PCYT1A: variants seen among roughly 807,000 people sequenced by gnomAD.
The protein encoded by PCYT1A is choline-phosphate cytidylyltransferase A.
PCYT1A carries 25 observed loss-of-function variants against 43.7 expected under a neutral mutation model. That is an observed-to-expected ratio of 0.57 (90% CI 0.42 to 0.80). PCYT1A has a LOEUF of 0.80. Ranked by LOEUF, PCYT1A falls within the 30% of genes least tolerant of loss-of-function variation. The probability of loss-of-function intolerance (pLI) is 0.00; values close to 1 mark genes in which losing one functional copy is unlikely to be tolerated. For missense variants in PCYT1A, 421 were observed against 474.2 expected, an observed-to-expected ratio of 0.89 and a Z score of 1.04; for synonymous variants, 172 against 170.7, an observed-to-expected ratio of 1.01 and a Z score of -0.06.
Position 196,242,843 on chromosome 3 carries a change from AG to A in PCYT1A, c.487-204del, listed in dbSNP as rs1724398948. 1 of 594,440 alleles carries A rather than the reference AG, an allele frequency of 1.7e-6. No homozygotes were observed. Among genetic ancestry groups the A allele is most frequent in the Non-Finnish European group, 3.0e-6 (1 of 328,092 alleles). 36.8% of individuals were successfully genotyped at this position (594,440 alleles called of 1,614,324 possible). On this transcript the variant is annotated intron_variant, in intron 5 of 8. Transcript: ENST00000431016. This position sits in a 1 kb window ranked among gnomAD's most constrained non-coding sequence, Gnocchi z 4.2. Reference sequence around the variant, plus strand: ...ATTTATGGAGTATACATATGAAGTTAGCCAGCTGCTTTTGTAGCTATTTCTC... The same window carrying A: ...ATTTATGGAGTATACATATGAAGTTACCAGCTGCTTTTGTAGCTATTTCTC...
At chr3:196,272,481 G>C (rs1287467169) in intron 1 of PCYT1A, among the ~76,000 whole-genome samples, 1 of 152,090 alleles carries the variant, frequency 6.6e-6, no homozygotes, top group Non-Finnish European at 1.5e-5. Context: ...ATGGCGCCTA[G>C]CCAATTTTTG....
intron 3 of PCYT1A, among the ~76,000 whole-genome samples, chr3:196,253,060 G>A (rs112186985): frequency 0.16 from 24,193 of 151,936 alleles, 2,074 homozygotes; most frequent in Middle Eastern, 0.25. Flanking sequence ...TTTTTGGGCC[G>A]GGCACAGTGG....
chr3:196,279,826 C>CTTTT (rs397723929), intron 1 of PCYT1A, among the ~76,000 whole-genome samples: 808 of 50,592 alleles, frequency 0.016, no homozygotes, highest in Non-Finnish European at 0.02. Context: ...CCAGTCCTTT[C>CTTTT]TTTTTTTTTT....
intron 1 of PCYT1A, among the ~76,000 whole-genome samples, chr3:196,272,379 T>A (rs1361989568): frequency 2.6e-5 from 4 of 152,144 alleles, no homozygotes; most frequent in Non-Finnish European, 4.4e-5. Flanking sequence ...AGAGACAGGG[T>A]TTCCCTATGT....
intron 5 of PCYT1A, among the ~76,000 whole-genome samples, chr3:196,246,957 AG>A (rs1290760395): frequency 4.3e-4 from 64 of 150,414 alleles, no homozygotes; most frequent in African/African-American, 1.5e-3. Flanking sequence ...TTCAGTTCCC[AG>A]CCCTGCCAGT....
intron 1 of PCYT1A, among the ~76,000 whole-genome samples, chr3:196,284,512 G>A (rs1248363922): frequency 6.6e-6 from 1 of 152,184 alleles, no homozygotes; most frequent in African/African-American, 2.4e-5. Flanking sequence ...AAGCAATAAT[G>A]CTTTCCATAC....
Position 196,238,452 on chromosome 3 carries a change from G to C in PCYT1A, c.*236C>G, listed in dbSNP as rs1018136397. On this transcript the variant is annotated 3_prime_UTR_variant, in exon 9 of 9. Coordinates refer to ENST00000431016, the MANE Select transcript of PCYT1A (RefSeq NM_001312673.2). ...CAGTGAAACAAAGCCCTTGGGGGGG[G>C]GTAAATGGATGCAGAGCAGGCTTCT... 5 of 365,962 alleles carry C rather than the reference G, an allele frequency of 1.4e-5. No individual in the cohort carries two copies. The highest frequency in any genetic ancestry group is 2.1e-5 in the African/African-American group (1 of 48,052). 22.7% of individuals were successfully genotyped at this position (365,962 alleles called of 1,614,324 possible). A position where few individuals can be genotyped will look rare whatever the true frequency, so the allele number is the denominator to read the frequency against.
intron 3 of PCYT1A, among the ~76,000 whole-genome samples, chr3:196,249,048 C>T (rs1259139267): frequency 1.3e-5 from 2 of 152,138 alleles, no homozygotes; most frequent in African/African-American, 4.8e-5. Context: ...GTGTGAGCAA[C>T]CGCGCCCGGC....
chr3:196,241,110 A>G (rs746678987), intron 7 of PCYT1A, among the ~76,000 whole-genome samples: 34 of 144,224 alleles, frequency 2.4e-4, no homozygotes, highest in Non-Finnish European at 3.9e-4. Context: ...CCTGGCAAAC[A>G]TGGCAAAACC....
chr3:196,238,964 G>T, intron 8 of PCYT1A, 70 bp from the exon 9 acceptor site: 1 of 926,348 alleles, frequency 1.1e-6, no homozygotes. Context: ...AAGCATCTAG[G>T]ACTGGGATAG....
In PCYT1A at chr3:196,242,167, G is replaced by A. The variant is rs924447543; in HGVS notation, c.566-77C>T. 2 of 1,418,596 alleles carry A rather than the reference G, an allele frequency of 1.4e-6. No homozygotes were observed. Among genetic ancestry groups the A allele is most frequent in the Non-Finnish European group, 2.0e-6 (2 of 1,010,750 alleles). The allele number at this position is 1,418,596 out of a possible 1,614,324, so 87.9% of individuals were successfully genotyped here. A position where few individuals can be genotyped will look rare whatever the true frequency, so the allele number is the denominator to read the frequency against. ...GTATTAAGACTAAATGGAAATTGGG[G>A]GCAACATTCCTTTCCTTTCCTCAAA... On this transcript the variant is annotated intron_variant, in intron 6 of 8. Transcript: ENST00000431016. The surrounding 1 kb of genome is among the most constrained non-coding windows in gnomAD (Gnocchi z 4.2).
intron 2 of PCYT1A, among the ~76,000 whole-genome samples, chr3:196,261,969 A>G (rs1725122802): frequency 6.6e-6 from 1 of 152,150 alleles, no homozygotes; most frequent in Non-Finnish European, 1.5e-5. Context: ...TTGTGCAGCT[A>G]TAACAAAGCA....
intron 1 of PCYT1A, among the ~76,000 whole-genome samples, chr3:196,286,193 G>C (rs1241485055): frequency 2.0e-5 from 3 of 151,492 alleles, no homozygotes; most frequent in Non-Finnish European, 4.4e-5. Context: ...CTCCCCAGTA[G>C]CTGGGATTCC....
chr3:196,257,126 A>C (rs767106831), intron 3 of PCYT1A, among the ~76,000 whole-genome samples: 6 of 152,246 alleles, frequency 3.9e-5, no homozygotes, highest in Non-Finnish European at 8.8e-5. Context: ...CTTTGTATTC[A>C]TAACAAATGC....
rs1724237230 is a variant in PCYT1A at position 196,238,445 on chromosome 3, G to GGA, written c.*242_*243insTC. 1 of 272,500 alleles carries GGA rather than the reference G, an allele frequency of 3.7e-6. No homozygotes were observed. The highest frequency in any genetic ancestry group is 3.1e-5 in the African/African-American group (1 of 32,538). 16.9% of individuals were successfully genotyped at this position (272,500 alleles called of 1,614,324 possible). A position where few individuals can be genotyped will look rare whatever the true frequency, so the allele number is the denominator to read the frequency against. ...ACATAAACAGTGAAACAAAGCCCTTGGGGGGGGGTAAATGGATGCAGAGCA... is the reference window on the plus strand; with the variant it reads ...ACATAAACAGTGAAACAAAGCCCTTGGAGGGGGGGGTAAATGGATGCAGAGCA... On this transcript the variant is annotated 3_prime_UTR_variant, in exon 9 of 9. Transcript: ENST00000431016.
At position 196,252,472 on chromosome 3, in the gene PCYT1A, C is replaced by T. The variant is rs545037980; in HGVS notation, c.218-4149G>A. Among the ~76,000 whole-genome samples the T allele has an allele frequency of 2.0e-5, 3 of 152,170 alleles. No individual in the cohort carries two copies. The highest frequency in any genetic ancestry group is 4.4e-5 in the Non-Finnish European group (3 of 68,034). On this transcript the variant is annotated intron_variant, in intron 3 of 8. Transcript: ENST00000431016. This position sits in a 1 kb window ranked among gnomAD's most constrained non-coding sequence, Gnocchi z 4.0. ...GCCAGGCTGGTCTCAATTTCCTGAC[C>T]TCAAGTGATCTGCCCGCCTTGGCCT...
At chr3:196,287,381 T>C (rs1725943112) in intron 1 of PCYT1A, 1 of 152,450 alleles carries the variant, frequency 6.6e-6, no homozygotes, top group Non-Finnish European at 1.5e-5. Flanking sequence ...ACTTCCTCGG[T>C]CCAAGTGCCG....
intron 2 of PCYT1A, among the ~76,000 whole-genome samples, chr3:196,269,987 C>A (rs1725383964): frequency 6.6e-6 from 1 of 152,194 alleles, no homozygotes; most frequent in African/African-American, 2.4e-5. Flanking sequence ...AATTCTCATG[C>A]CTCAGCCTCC....
chr3:196,245,180 C>G (rs1302796298), intron 5 of PCYT1A, among the ~76,000 whole-genome samples: 1 of 149,100 alleles, frequency 6.7e-6, no homozygotes, highest in African/African-American at 2.5e-5. Flanking sequence ...CTCGCTCTGT[C>G]GCCCAGGCTG....
Sources: gnomAD v4.1 joint callset for allele counts (sites outside exome capture counted in the v4.1 genomes callset) on GRCh38, gnomAD v4.1.1 for gene constraint, Gnocchi (gnomAD v3.1) non-coding constraint, MANE v1.5 for transcripts, NCBI Gene and HGNC (gene_info 2026-07-23, HGNC 2026-07-21) for gene names.